Variants in SCARA5 observed in about 807,000 individuals in gnomAD.
SCARA5 encodes scavenger receptor class A member 5, also known as scavenger receptor class A, member 5 (putative).
In SCARA5, 45 loss-of-function variants were observed where a neutral mutation model predicts 46.3. That is an observed-to-expected ratio of 0.97 (90% CI 0.76 to 1.24). SCARA5 has a LOEUF of 1.24. Among genes scored for constraint, SCARA5 ranks in the 50% most tolerant of loss-of-function variants. SCARA5 has a pLI of 0.00. For missense variants in SCARA5, 680 were observed against 689.0 expected, an observed-to-expected ratio of 0.99 and a Z score of 0.15; for synonymous variants, 333 against 306.5, an observed-to-expected ratio of 1.09 and a Z score of -0.90.
chr8:27,959,634 T>C (rs1808263680), intron 3 of SCARA5, among the ~76,000 whole-genome samples: 1 of 152,206 alleles, frequency 6.6e-6, no homozygotes. Context: ...TGTTACCAAC[T>C]CACTGATGAG....
chr8:27,937,362 C>T lies in SCARA5; in HGVS notation c.242-15117G>A, dbSNP rs141428243. ...CCTTCACCCTCTGGGAAGTCCCGAT[C>T]CCCGGGGACAGGAGTGGGCAGGTAA... On this transcript the variant is annotated intron_variant, in intron 3 of 8. Transcript: ENST00000354914. Among the ~76,000 whole-genome samples the T allele has an allele frequency of 3.0e-3, 458 of 152,284 alleles. 2 individuals carry two copies. Among genetic ancestry groups the T allele is most frequent in the African/African-American group, 0.01 (417 of 41,552 alleles).
chr8:27,951,268 A>G lies in SCARA5; in HGVS notation c.241+15146T>C, dbSNP rs752498567. 5.3e-5 allele frequency among the ~76,000 whole-genome samples: 8 copies of G among 152,220 alleles called. No homozygotes were observed. In the East Asian group the frequency reaches 1.5e-3, roughly 29 times the overall value. The stretch of plus-strand genomic sequence containing the variant: ...CACAGAAAACCGGTATCAATGCCTG[A>G]GCAGGACAAGAGCTGTGCTGAGTGG... On this transcript the variant is annotated intron_variant, in intron 3 of 8. Coordinates refer to ENST00000354914, the MANE Select transcript of SCARA5 (RefSeq NM_173833.6).
chr8:27,921,367 G>A (rs1442672825), intron 4 of SCARA5, among the ~76,000 whole-genome samples: 2 of 152,206 alleles, frequency 1.3e-5, no homozygotes, highest in African/African-American at 4.8e-5. Context: ...ACCTGTGCAA[G>A]CCCTGGATGT....
intron 3 of SCARA5, among the ~76,000 whole-genome samples, chr8:27,965,066 C>G (rs1234523168): frequency 5.9e-5 from 9 of 152,152 alleles, no homozygotes; most frequent in Admixed American, 5.9e-4. Context: ...CCTCTGGTCC[C>G]AGGGATGAAT....
intron 2 of SCARA5, among the ~76,000 whole-genome samples, chr8:27,967,719 C>T (rs1442247767): frequency 6.6e-6 from 1 of 152,114 alleles, no homozygotes; most frequent in Non-Finnish European, 1.5e-5. Flanking sequence ...TCGACACCAG[C>T]CTGGCCAATA....
intron 3 of SCARA5, among the ~76,000 whole-genome samples, chr8:27,927,417 A>G (rs1411177642): frequency 2.0e-5 from 3 of 152,250 alleles, no homozygotes; most frequent in East Asian, 3.8e-4. Flanking sequence ...GTGTCCCACA[A>G]CAGAGCACAC....
intron 3 of SCARA5, among the ~76,000 whole-genome samples, chr8:27,943,657 C>A (rs73668282): frequency 6.6e-6 from 1 of 152,146 alleles, no homozygotes; most frequent in African/African-American, 2.4e-5. Flanking sequence ...TAGGAAAAGA[C>A]GCACGTAATC....
intron 4 of SCARA5, among the ~76,000 whole-genome samples, chr8:27,918,091 G>A (rs992336093): frequency 1.2e-4 from 18 of 152,186 alleles, no homozygotes; most frequent in Non-Finnish European, 2.9e-5. Context: ...TGGACTGTGG[G>A]TAACAGAATG....
rs970480641 is a variant in SCARA5, at chr8:27,871,847, G to A, written c.*87C>T. On this transcript the variant is annotated 3_prime_UTR_variant, in exon 9 of 9. Transcript: ENST00000354914. ...GCTGGACGGGGTGTGGTCGAGGCAT[G>A]GTCAGGGTGGCCCCGAGCTGTGCCC... The A allele has an allele frequency of 2.0e-5, 32 of 1,596,408 alleles. No individual in the cohort carries two copies. Among genetic ancestry groups the A allele is most frequent in the Non-Finnish European group, 2.5e-5 (29 of 1,171,114 alleles).
At chr8:27,941,793 A>ACATCATCAT (rs772791600) in intron 3 of SCARA5, among the ~76,000 whole-genome samples, 1 of 122,084 alleles carries the variant, frequency 8.2e-6, no homozygotes, top group African/African-American at 3.1e-5. Context: ...ATCCCCATTT[A>ACATCATCAT]CATCATCATT....
At chr8:27,941,418 T>C (rs1345974682) in intron 3 of SCARA5, among the ~76,000 whole-genome samples, 1 of 152,172 alleles carries the variant, frequency 6.6e-6, no homozygotes, top group African/African-American at 2.4e-5. Context: ...GACCTTAAAA[T>C]GGAATTAATA....
chr8:27,920,558 G>A (rs1235960616), intron 4 of SCARA5, among the ~76,000 whole-genome samples: 1 of 151,148 alleles, frequency 6.6e-6, no homozygotes, highest in Non-Finnish European at 1.5e-5. Context: ...AGGTTGCAGT[G>A]AGGGAGATCA....
At chr8:27,911,952 T>C (rs1413786413) in intron 4 of SCARA5, among the ~76,000 whole-genome samples, 2 of 151,762 alleles carry the variant, frequency 1.3e-5, no homozygotes, top group Non-Finnish European at 2.9e-5. Flanking sequence ...GAGACAGAGA[T>C]TGGAGTGATG....
At chr8:27,892,531 G>A (rs1807000494) in intron 7 of SCARA5, among the ~76,000 whole-genome samples, 1 of 152,022 alleles carries the variant, frequency 6.6e-6, no homozygotes, top group African/African-American at 2.4e-5. Context: ...AGGGTGGAAG[G>A]AGGCAGCTGG....
chr8:27,954,199 C>A (rs1177842195), intron 3 of SCARA5, among the ~76,000 whole-genome samples: 3 of 152,092 alleles, frequency 2.0e-5, no homozygotes, highest in Non-Finnish European at 2.9e-5. Flanking sequence ...GACCTTAAAC[C>A]AGGAAAAGGA....
intron 4 of SCARA5, among the ~76,000 whole-genome samples, chr8:27,918,033 T>C (rs566170851): frequency 1.3e-5 from 2 of 152,322 alleles, no homozygotes; most frequent in South Asian, 2.1e-4. Context: ...CTCAGTTATG[T>C]GCACTGCACT....
intron 2 of SCARA5, among the ~76,000 whole-genome samples, chr8:27,971,870 T>G (rs1002195973): frequency 5.3e-5 from 8 of 152,110 alleles, no homozygotes; most frequent in Admixed American, 1.3e-4. Context: ...CATCCTCCCC[T>G]GCATACAGCC....
chr8:27,936,592 T>TAAAAAAAAAAAAAAGAA (rs1807861201), intron 3 of SCARA5, among the ~76,000 whole-genome samples: 2 of 31,314 alleles, frequency 6.4e-5, no homozygotes, highest in African/African-American at 2.1e-4. Context: ...GTGTCTCCAT[T>TAAAAAAAAAAAAAAGAA]AAAAAAAAAA....
rs1806641380 is a variant in SCARA5, at chr8:27,871,744, T to C, written c.*190A>G. On this transcript the variant is annotated 3_prime_UTR_variant, in exon 9 of 9. Coordinates refer to ENST00000354914, the MANE Select transcript of SCARA5 (RefSeq NM_173833.6). ...AGACGGGCAGTAGGTCCCAGAGTTATACTTCGGAGCACATGTTCAAGAGGG... is the reference window on the plus strand; with the variant it reads ...AGACGGGCAGTAGGTCCCAGAGTTACACTTCGGAGCACATGTTCAAGAGGG... The C allele has an allele frequency of 4.9e-6, 7 of 1,433,118 alleles. No individual in the cohort carries two copies. Among genetic ancestry groups the C allele is most frequent in the Non-Finnish European group, 6.4e-6 (7 of 1,096,446 alleles). The allele number at this position is 1,433,118 out of a possible 1,614,324, so 88.8% of individuals were successfully genotyped here.
Sources: gnomAD v4.1 joint callset for allele counts (sites outside exome capture counted in the v4.1 genomes callset) on GRCh38, gnomAD v4.1.1 for gene constraint, MANE v1.5 for transcripts, NCBI Gene and HGNC (gene_info 2026-07-23, HGNC 2026-07-21) for gene names.